Variants in SHC4 observed in about 807,000 individuals in gnomAD.
The protein encoded by SHC4 is SHC adaptor protein 4.
A neutral mutation model predicts 69.4 loss-of-function variants in SHC4; 41 were observed. The observed-to-expected ratio is 0.59, with a 90% confidence interval of 0.46 to 0.77. SHC4 has a LOEUF of 0.77. SHC4 is among the 30% of genes least tolerant of loss of function. The pLI is 0.00. For missense variants in SHC4, 777 were observed against 783.8 expected, an observed-to-expected ratio of 0.99 and a Z score of 0.10; for synonymous variants, 318 against 299.3, an observed-to-expected ratio of 1.06 and a Z score of -0.64.
chr15:48,911,058 G>A (rs1567067623), intron 2 of SHC4, among the ~76,000 whole-genome samples: 1 of 152,126 alleles, frequency 6.6e-6, no homozygotes, highest in Non-Finnish European at 1.5e-5. Flanking sequence ...TGCATGAAAT[G>A]TTCTGTATAT....
chr15:48,890,089 TCTATA>T (rs1488688198), intron 3 of SHC4, among the ~76,000 whole-genome samples: 77 of 152,332 alleles, frequency 5.1e-4, no homozygotes, highest in African/African-American at 1.7e-3. Context: ...CTTACATAAC[TCTATA>T]AAGTAAGTGC....
At chr15:48,943,046 C>G (rs1166379619) in intron 1 of SHC4, among the ~76,000 whole-genome samples, 8 of 152,192 alleles carry the variant, frequency 5.3e-5, no homozygotes, top group Non-Finnish European at 1.0e-4. Context: ...CACTGAAGAA[C>G]TGAGATAGAC....
At chr15:48,893,092 A>G (rs1379877645) in intron 2 of SHC4, among the ~76,000 whole-genome samples, 2 of 152,184 alleles carry the variant, frequency 1.3e-5, no homozygotes, top group African/African-American at 4.8e-5. Context: ...CCAATTATCA[A>G]TATCTTCTAA....
At chr15:48,884,186 T>C in intron 4 of SHC4, 62 bp downstream of exon 4, 2 of 1,493,068 alleles carry the variant, frequency 1.3e-6, no homozygotes, top group Non-Finnish European at 1.8e-6. Context: ...TTCTTTTCAT[T>C]ATCCCCACGC....
intron 10 of SHC4, among the ~76,000 whole-genome samples, chr15:48,843,119 G>C (rs1326909182): frequency 6.6e-6 from 1 of 152,144 alleles, no homozygotes; most frequent in South Asian, 2.1e-4. Flanking sequence ...AGAGGAAGGA[G>C]AGGGAGATCA....
At chr15:48,904,869 G>A (rs1197962750) in intron 2 of SHC4, among the ~76,000 whole-genome samples, 1 of 151,342 alleles carries the variant, frequency 6.6e-6, no homozygotes, top group South Asian at 2.1e-4. Flanking sequence ...CTGGGTTACA[G>A]CATCTGGGTT....
intron 2 of SHC4, among the ~76,000 whole-genome samples, chr15:48,907,784 A>G (rs1201836336): frequency 7.2e-6 from 1 of 139,708 alleles, no homozygotes; most frequent in Non-Finnish European, 1.6e-5. Flanking sequence ...ATATATATAT[A>G]TACACGGTCA....
chr15:48,861,642 T>C (rs1191772524), intron 6 of SHC4, among the ~76,000 whole-genome samples: 2 of 152,192 alleles, frequency 1.3e-5, no homozygotes, highest in Non-Finnish European at 2.9e-5. Flanking sequence ...AGAGGGTGCC[T>C]TTTCAGGGAT....
intron 5 of SHC4, among the ~76,000 whole-genome samples, chr15:48,869,996 A>G (rs1455959474): frequency 6.6e-6 from 1 of 152,202 alleles, no homozygotes; most frequent in Non-Finnish European, 1.5e-5. Context: ...GTATGAAAAA[A>G]ATTAAGATTC....
At position 48,962,526 on chromosome 15, in the gene SHC4, G is replaced by A. The variant is rs1901560536; in HGVS notation, c.490C>T (p.Pro164Ser). 1 of 1,592,336 alleles carries A rather than the reference G, an allele frequency of 6.3e-7. No individual in the cohort carries two copies. The highest frequency in any genetic ancestry group is 8.6e-7 in the Non-Finnish European group (1 of 1,168,862). The change falls in exon 1 of 12, where the codon CCG becomes TCG. Residue 164 changes from proline to serine, a missense_variant. Physicochemically the swap from Pro to Ser is moderately conservative, Grantham distance 74 (BLOSUM62 -1). Coordinates refer to ENST00000332408, the MANE Select transcript of SHC4 (RefSeq NM_203349.4). ...GTTGGCTCCCCAGGGCCAGGAAGCG[G>A]GCACGAATCAGGGGTTAGGGCGGTT... ...RATALTPDSC[P>S]LPGPGEPTLR...
intron 1 of SHC4, 141 bp downstream of exon 1, chr15:48,962,290 T>G: frequency 1.2e-6 from 1 of 834,150 alleles, no homozygotes. Flanking sequence ...TAAACCCAGC[T>G]CCCCTCCGCC....
chr15:48,895,012 C>T (rs1900200010), intron 2 of SHC4, among the ~76,000 whole-genome samples: 1 of 151,892 alleles, frequency 6.6e-6, no homozygotes, highest in Admixed American at 6.6e-5. Context: ...CCTATGTTGC[C>T]TGGGTTGGTC....
At chr15:48,831,282 G>T (rs1336472588) in intron 11 of SHC4, among the ~76,000 whole-genome samples, 2 of 152,030 alleles carry the variant, frequency 1.3e-5, no homozygotes, top group Non-Finnish European at 2.9e-5. Context: ...ACTTAGTGTG[G>T]TCTAAGTGCA....
chr15:48,886,719 C>T (rs927166799), intron 3 of SHC4, among the ~76,000 whole-genome samples: 3 of 152,154 alleles, frequency 2.0e-5, no homozygotes, highest in Non-Finnish European at 4.4e-5. Flanking sequence ...TAGTATACAG[C>T]GAAGTGCTAA....
At chr15:48,882,588 C>T (rs569548416) in intron 4 of SHC4, among the ~76,000 whole-genome samples, 3 of 152,258 alleles carry the variant, frequency 2.0e-5, no homozygotes, top group South Asian at 4.1e-4. Context: ...CAATCCCATT[C>T]ATAAATTCCT....
intron 1 of SHC4, among the ~76,000 whole-genome samples, chr15:48,961,341 C>A (rs1024826367): frequency 6.6e-6 from 1 of 152,202 alleles, no homozygotes; most frequent in Non-Finnish European, 1.5e-5. Context: ...TTCGGTCTCC[C>A]AAGCTACCCG....
chr15:48,921,804 G>C (rs906560361), intron 2 of SHC4, among the ~76,000 whole-genome samples: 1 of 152,194 alleles, frequency 6.6e-6, no homozygotes, highest in Non-Finnish European at 1.5e-5. Flanking sequence ...CTTGTTATGT[G>C]TATTTTACCA....
chr15:48,877,418 A>T (rs1376981960), intron 4 of SHC4: 1 of 972,652 alleles, frequency 1.0e-6, no homozygotes, highest in Non-Finnish European at 1.2e-6. Flanking sequence ...TATAATTCAT[A>T]TAAGTATATA....
At chr15:48,931,994 C>T (rs984164239) in intron 1 of SHC4, among the ~76,000 whole-genome samples, 3 of 151,852 alleles carry the variant, frequency 2.0e-5, no homozygotes, top group Admixed American at 6.6e-5. Flanking sequence ...CATCCAGATG[C>T]GTGGGAGTTG....
Sources: gnomAD v4.1 joint callset for allele counts (sites outside exome capture counted in the v4.1 genomes callset) on GRCh38, gnomAD v4.1.1 for gene constraint, MANE v1.5 for transcripts, NCBI Gene and HGNC (gene_info 2026-07-23, HGNC 2026-07-21) for gene names.